Variants in BPTF observed in about 807,000 individuals in gnomAD.
BPTF encodes bromodomain PHD finger transcription factor.
In BPTF, 18 loss-of-function variants were observed where a neutral mutation model predicts 292.5. That is an observed-to-expected ratio of 0.06 (90% CI 0.04 to 0.09). The LOEUF is 0.09. Ranked by LOEUF, BPTF falls within the 10% of genes least tolerant of loss-of-function variation. The pLI is 1.00. For missense variants in BPTF, 2,726 were observed against 3,498.7 expected (o/e 0.78, Z 5.57); for synonymous variants, 1,225 against 1,251.9 (o/e 0.98, Z 0.45).
At chr17:67,858,248 A>G (rs1165547444) in intron 2 of BPTF, among the ~76,000 whole-genome samples, 1 of 152,250 alleles carries the variant, frequency 6.6e-6, no homozygotes. Flanking sequence ...TATGTGTAAA[A>G]TATGTGTAAC....
rs1598542848 is a variant in BPTF at position 67,903,881 on chromosome 17, C to T, written c.2636C>T (p.Ala879Val). The T allele has an allele frequency of 1.3e-6, 2 of 1,591,666 alleles. No homozygotes were observed. Among genetic ancestry groups the T allele is most frequent in the Non-Finnish European group, 1.7e-6 (2 of 1,173,822 alleles). ...GAAGAAGAAGAAACGATGCAGCAAG[C>T]GACATGGGTAAAATACACATTTCCA... ...KQEEEETMQQ[A>V]TWVKYTFPVK... The change falls in exon 8 of 28, where the codon GCG becomes GTG. Residue 879 changes from alanine to valine, a missense_variant. Around this residue, in one of 22 missense-constraint regions of BPTF, gnomAD observed 99 missense variants for 227.1 expected, o/e 0.44. Transcript: ENST00000306378.
At chr17:67,884,644 G>C (rs1389065543) in intron 4 of BPTF, among the ~76,000 whole-genome samples, 2 of 152,124 alleles carry the variant, frequency 1.3e-5, no homozygotes, top group Non-Finnish European at 2.9e-5. Flanking sequence ...TCGAACCCCT[G>C]ACCTCAAGTG....
chr17:67,828,716 C>T (rs2056356369), intron 1 of BPTF, among the ~76,000 whole-genome samples: 3 of 152,002 alleles, frequency 2.0e-5, no homozygotes, highest in Non-Finnish European at 2.9e-5. Context: ...TTAGTAATGA[C>T]GGGGTTTCTC....
intron 4 of BPTF, among the ~76,000 whole-genome samples, chr17:67,890,739 G>A (rs2061055961): frequency 6.6e-6 from 1 of 152,154 alleles, no homozygotes; most frequent in African/African-American, 2.4e-5. Context: ...TTACAAAATT[G>A]TCTTAATTAT....
At chr17:67,897,443 C>T (rs1466647327) in intron 7 of BPTF, among the ~76,000 whole-genome samples, 1 of 150,374 alleles carries the variant, frequency 6.7e-6, no homozygotes, top group African/African-American at 2.5e-5. Context: ...AAAGCCTTCA[C>T]AGGGTCACTA....
chr17:67,957,838 A>C (rs1183728291), intron 23 of BPTF, among the ~76,000 whole-genome samples: 1 of 152,198 alleles, frequency 6.6e-6, no homozygotes, highest in Non-Finnish European at 1.5e-5. Flanking sequence ...GCAGGGTGAC[A>C]AAGTGAGACA....
rs999644014 is a variant in BPTF, at chr17:67,885,381, C to T, written c.1865-6463C>T. 1.6e-4 allele frequency among the ~76,000 whole-genome samples: 25 copies of T among 152,092 alleles called. 2 individuals are homozygous for T. Among genetic ancestry groups the T allele is most frequent in the Admixed American group, 1.3e-3 (20 of 15,264 alleles). The stretch of plus-strand genomic sequence containing the variant: ...GGTGGATCACCTGAGGTCAGGAGTT[C>T]GAGCCCAGCCTGGCCAACATGGTGA... On this transcript the variant is annotated intron_variant, in intron 4 of 27. Transcript: ENST00000306378.
chr17:67,976,147 T>G, intron 27 of BPTF, 189 bp downstream of exon 27: 1 of 465,376 alleles, frequency 2.1e-6, no homozygotes, highest in Non-Finnish European at 3.6e-6. Context: ...TTGCTGGGTT[T>G]GTTGTTGATC....
rs375804596 is a variant in BPTF at position 67,916,164 on chromosome 17, C to G, written c.5304-2550C>G. 4.6e-5 allele frequency among the ~76,000 whole-genome samples: 7 copies of G among 152,184 alleles called. No homozygotes were observed. The South Asian group carries it at 1.0e-3, about 22-fold the overall frequency. ...TCCCCTTGACCTGCTCTGTCCAGGT[C>G]AGAGGATTCATAGTGCGATAACACA... is the stretch of plus-strand genomic sequence containing the variant. On this transcript the variant is annotated intron_variant, in intron 11 of 27. Coordinates refer to ENST00000306378, the MANE Select transcript of BPTF (RefSeq NM_182641.4).
chr17:67,953,955 T>C (rs2066648635), intron 23 of BPTF, among the ~76,000 whole-genome samples: 1 of 135,292 alleles, frequency 7.4e-6, no homozygotes, highest in African/African-American at 2.7e-5. Flanking sequence ...CTTTTTCTTT[T>C]CTTTTCTTTT....
At position 67,946,076 on chromosome 17, in the gene BPTF, A is replaced by G. The variant is rs1301598394; in HGVS notation, c.7368A>G (p.Ile2456Met). 1.2e-6 allele frequency: 2 copies of G among 1,614,222 alleles called. No individual in the cohort carries two copies. Among genetic ancestry groups the G allele is most frequent in the South Asian group, 1.1e-5 (1 of 91,080 alleles). The change falls in exon 21 of 28, where the codon ATA (isoleucine) becomes ATG (methionine). Residue 2456 changes from isoleucine to methionine, a missense_variant. Coordinates refer to ENST00000306378, the MANE Select transcript of BPTF (RefSeq NM_182641.4). The part of the protein sequence containing the change: ...SQIQSQVVAQ[I>M]QAQQSGVPQQ... ...TCCAGTCACAGGTTGTGGCTCAGAT[A>G]CAGGCTCAGCAAAGTGGTGTGCCCC...
intron 10 of BPTF, among the ~76,000 whole-genome samples, 158 bp from the exon 11 acceptor site, chr17:67,910,719 G>C (rs1010176076): frequency 2.0e-5 from 3 of 151,950 alleles, no homozygotes; most frequent in African/African-American, 4.8e-5. Flanking sequence ...AGAATTGCTT[G>C]AACCCAGGAG....
In BPTF at chr17:67,848,044, G is replaced by A. The variant is rs184836631; in HGVS notation, c.614-5896G>A. ...TCCCCCTTCTCTATACCAATACCGA[G>A]TGAGGCCACTTTCTCTCAGATACCA... On this transcript the variant is annotated intron_variant, in intron 1 of 27. Transcript: ENST00000306378. Among the ~76,000 whole-genome samples, 420 of 152,286 alleles carry A rather than the reference G, an allele frequency of 2.8e-3. 1 individual carries two copies. The highest frequency in any genetic ancestry group is 5.1e-3 in the Non-Finnish European group (344 of 68,026).
chr17:67,933,254 G>A (rs545398067), intron 18 of BPTF, among the ~76,000 whole-genome samples: 4 of 148,262 alleles, frequency 2.7e-5, no homozygotes, highest in South Asian at 2.1e-4. Flanking sequence ...GTGAGACTCC[G>A]TCTGAAGGAA....
chr17:67,943,053 C>T lies in BPTF; in HGVS notation c.6478-1097C>T, dbSNP rs570296618. Among the ~76,000 whole-genome samples the T allele has an allele frequency of 5.9e-5, 9 of 152,042 alleles. No homozygotes were observed. The East Asian group carries it at 7.7e-4, about 13-fold the overall frequency. On this transcript the variant is annotated intron_variant, in intron 19 of 27. Coordinates refer to ENST00000306378, the MANE Select transcript of BPTF (RefSeq NM_182641.4). ...CCTTATATATACCTAAGATACATACCGAAGTAGTAATGAAATACAGTGTTA... is the reference window on the plus strand; with the variant it reads ...CCTTATATATACCTAAGATACATACTGAAGTAGTAATGAAATACAGTGTTA...
intron 5 of BPTF, among the ~76,000 whole-genome samples, chr17:67,892,693 C>G (rs1286864994): frequency 2.6e-5 from 4 of 152,234 alleles, no homozygotes; most frequent in Non-Finnish European, 5.9e-5. Flanking sequence ...CTTTTTGACT[C>G]TGACCCTCAG....
chr17:67,960,034 G>C (rs2067324685), intron 24 of BPTF, 159 bp downstream of exon 24: 1 of 584,752 alleles, frequency 1.7e-6, no homozygotes, highest in Admixed American at 3.7e-5. Flanking sequence ...TCTTACCATT[G>C]ACGCTAGTAA....
At chr17:67,904,068 G>T in intron 8 of BPTF, 150 bp downstream of exon 8, 1 of 771,514 alleles carries the variant, frequency 1.3e-6, no homozygotes, top group Non-Finnish European at 1.9e-6. Context: ...TCGCTCTGTT[G>T]CCCAGATTGG....
chr17:67,833,223 C>T (rs1416356517), intron 1 of BPTF, among the ~76,000 whole-genome samples: 1 of 151,584 alleles, frequency 6.6e-6, no homozygotes, highest in African/African-American at 2.4e-5. Context: ...TTGAATAACA[C>T]TTCATTGTAT....
Sources: gnomAD v4.1 joint callset for allele counts (sites outside exome capture counted in the v4.1 genomes callset) on GRCh38, gnomAD v4.1.1 for gene constraint, gnomAD v4.1.1 regional missense constraint, MANE v1.5 for transcripts, NCBI Gene and HGNC (gene_info 2026-07-23, HGNC 2026-07-21) for gene names.